The following PRICKLE2 variants were observed in gnomAD, a reference collection of about 807,000 sequenced individuals.
The protein encoded by PRICKLE2 is prickle-like protein 2.
PRICKLE2 carries 21 observed loss-of-function variants against 81.4 expected under a neutral mutation model. The ratio of observed to expected loss-of-function variants is 0.26; its 90% CI spans 0.18 to 0.37. PRICKLE2 has a LOEUF of 0.37. PRICKLE2 is among the 10% of genes least tolerant of loss of function. PRICKLE2 has a pLI of 1.00. For synonymous variants in PRICKLE2, 456 were observed against 421.5 expected, an observed-to-expected ratio of 1.08 and a Z score of -1.00; for missense variants, 940 against 1,109.0, an observed-to-expected ratio of 0.85 and a Z score of 2.16.
chr3:64,144,249 C>T lies in PRICKLE2; in HGVS notation c.1660+2581G>A, dbSNP rs568184878. On this transcript the variant is annotated intron_variant, in intron 7 of 7. Transcript: ENST00000638394. ...GAGCAAGGTTCTGAAATCATATGCA[C>T]AGGTTCAAATCCCTGCTCTACCACT... Among the ~76,000 whole-genome samples the T allele has an allele frequency of 3.9e-5, 6 of 152,312 alleles. No individual in the cohort carries two copies. In the South Asian group the frequency reaches 1.2e-3, roughly 32 times the overall value.
At chr3:64,165,159 T>C (rs1443475317) in intron 2 of PRICKLE2, among the ~76,000 whole-genome samples, 1 of 152,182 alleles carries the variant, frequency 6.6e-6, no homozygotes, top group Non-Finnish European at 1.5e-5. Flanking sequence ...CTCCTCTTAA[T>C]CACCTCTAAT....
intron 7 of PRICKLE2, among the ~76,000 whole-genome samples, chr3:64,138,065 A>C (rs2077304124): frequency 6.6e-6 from 1 of 151,808 alleles, no homozygotes; most frequent in Non-Finnish European, 1.5e-5. Context: ...TGTTAAATTC[A>C]AATATGGTGG....
chr3:64,168,360 T>G (rs568294353), intron 2 of PRICKLE2, among the ~76,000 whole-genome samples: 4 of 152,240 alleles, frequency 2.6e-5, no homozygotes, highest in African/African-American at 9.6e-5. Flanking sequence ...ACACTAATGA[T>G]AGCTGATGAG....
intron 7 of PRICKLE2, among the ~76,000 whole-genome samples, chr3:64,135,892 A>ATC (rs1349448781): frequency 1.3e-5 from 2 of 152,128 alleles, no homozygotes; most frequent in Non-Finnish European, 2.9e-5. Flanking sequence ...TCGGCTCATG[A>ATC]TCTCTTGATT....
chr3:64,122,089 T>C (rs899719506), intron 7 of PRICKLE2, among the ~76,000 whole-genome samples: 1 of 151,956 alleles, frequency 6.6e-6, no homozygotes. Flanking sequence ...TAAGTTTTCA[T>C]AAAGGGGGTA....
chr3:64,125,322 A>C (rs2077089621), intron 7 of PRICKLE2, among the ~76,000 whole-genome samples: 1 of 152,238 alleles, frequency 6.6e-6, no homozygotes, highest in Non-Finnish European at 1.5e-5. Context: ...AAGATGTAGA[A>C]TATTACATAA....
At chr3:64,170,648 C>A (rs566246486) in intron 2 of PRICKLE2, among the ~76,000 whole-genome samples, 11 of 151,470 alleles carry the variant, frequency 7.3e-5, no homozygotes, top group African/African-American at 2.4e-4. Context: ...TTGCTTGAGC[C>A]CAGGAGTTCG....
upstream of PRICKLE2, among the ~76,000 whole-genome samples, chr3:64,230,154 A>G (rs1368067224): frequency 6.6e-6 from 1 of 152,176 alleles, no homozygotes. Flanking sequence ...AACTAGTCTC[A>G]TGACCTCACC....
At chr3:64,170,945 C>T (rs1209961834) in intron 2 of PRICKLE2, among the ~76,000 whole-genome samples, 1 of 152,240 alleles carries the variant, frequency 6.6e-6, no homozygotes, top group Middle Eastern at 3.4e-3. Flanking sequence ...TGGATTATCT[C>T]CCATGCCTCT....
At position 64,225,209 on chromosome 3, in the gene PRICKLE2, T is replaced by C; in HGVS notation, c.-340A>G. Reference sequence around the variant, plus strand: ...AAAAGTATGACTTCTACTCTTCCTCTAGATCAGCCTGAGTGCTCAGATCGC... The same window carrying C: ...AAAAGTATGACTTCTACTCTTCCTCCAGATCAGCCTGAGTGCTCAGATCGC... On this transcript the variant is annotated 5_prime_UTR_variant, in exon 1 of 8. Transcript: ENST00000638394. 1 of 985,452 alleles carries C rather than the reference T, an allele frequency of 1.0e-6. No individual in the cohort carries two copies. Among genetic ancestry groups the C allele is most frequent in the Non-Finnish European group, 1.2e-6 (1 of 829,984 alleles). The allele number at this position is 985,452 out of a possible 1,614,324, so 61.0% of individuals were successfully genotyped here. A position where few individuals can be genotyped will look rare whatever the true frequency, so the allele number is the denominator to read the frequency against.
chr3:64,185,481 G>A (rs1192717389), intron 2 of PRICKLE2, among the ~76,000 whole-genome samples: 1 of 152,206 alleles, frequency 6.6e-6, no homozygotes, highest in Non-Finnish European at 1.5e-5. Flanking sequence ...TGTTTACTGA[G>A]TGCCAACTAC....
intron 2 of PRICKLE2, among the ~76,000 whole-genome samples, chr3:64,172,554 A>G (rs1270941047): frequency 6.6e-6 from 1 of 152,220 alleles, no homozygotes; most frequent in Non-Finnish European, 1.5e-5. Context: ...GGACAATAAT[A>G]TCTACCTTGA....
chr3:64,214,866 G>C (rs2078847644), intron 1 of PRICKLE2, among the ~76,000 whole-genome samples: 1 of 152,122 alleles, frequency 6.6e-6, no homozygotes, highest in South Asian at 2.1e-4. Context: ...CGAACAAGGA[G>C]GAGCCGGGAC....
chr3:64,146,804 C>T (rs1439380150), intron 7 of PRICKLE2, 26 bp downstream of exon 7: 1 of 1,613,626 alleles, frequency 6.2e-7, no homozygotes, highest in Non-Finnish European at 8.5e-7. Context: ...CCCTTTCTAT[C>T]TGTTTTCAAG....
intron 2 of PRICKLE2, among the ~76,000 whole-genome samples, chr3:64,176,360 T>C (rs2078022465): frequency 6.6e-6 from 1 of 152,240 alleles, no homozygotes; most frequent in South Asian, 2.1e-4. Flanking sequence ...CTACATGGTA[T>C]CTTTTCTGTG....
At chr3:64,201,396 G>C (rs903437479) in intron 1 of PRICKLE2, among the ~76,000 whole-genome samples, 2 of 152,072 alleles carry the variant, frequency 1.3e-5, no homozygotes, top group South Asian at 2.1e-4. Context: ...CCATATTCTT[G>C]TCACATTTGT....
intron 2 of PRICKLE2, among the ~76,000 whole-genome samples, chr3:64,168,364 T>C (rs1224591914): frequency 6.6e-6 from 1 of 152,082 alleles, no homozygotes; most frequent in Non-Finnish European, 1.5e-5. Context: ...TAATGATAGC[T>C]GATGAGCTTT....
intron 2 of PRICKLE2, among the ~76,000 whole-genome samples, chr3:64,169,408 A>G (rs561260298): frequency 6.6e-6 from 1 of 152,188 alleles, no homozygotes; most frequent in Non-Finnish European, 1.5e-5. Flanking sequence ...TCTGAGTGAG[A>G]GAAATAAGCT....
intron 7 of PRICKLE2, among the ~76,000 whole-genome samples, chr3:64,144,718 T>C (rs2077416993): frequency 6.6e-6 from 1 of 152,228 alleles, no homozygotes; most frequent in Non-Finnish European, 1.5e-5. Context: ...TTTCAATCCC[T>C]TGTGGACCGA....
Sources: allele counts gnomAD v4.1 joint callset (sites outside exome capture counted in the v4.1 genomes callset), GRCh38; gene constraint gnomAD v4.1.1; transcripts MANE v1.5; gene names NCBI Gene and HGNC (gene_info 2026-07-23, HGNC 2026-07-21).